The following PKHD1 variants were observed in gnomAD, a reference collection of about 807,000 sequenced individuals.
PKHD1 encodes fibrocystin.
Under a neutral mutation model 412.0 loss-of-function variants are expected in PKHD1, and 291 were observed. The observed-to-expected ratio is 0.71, with a 90% CI of 0.64 to 0.78. PKHD1 has a LOEUF of 0.78. Ranked by LOEUF, PKHD1 falls within the 30% of genes least tolerant of loss-of-function variation. The probability of loss-of-function intolerance (pLI) is 0.00; values close to 1 mark genes in which losing one functional copy is unlikely to be tolerated. For synonymous variants in PKHD1, 1,777 were observed against 1,821.5 expected, an observed-to-expected ratio of 0.98 and a Z score of 0.62; for missense variants, 4,825 against 4,950.7, an observed-to-expected ratio of 0.97 and a Z score of 0.76.
intron 51 of PKHD1, among the ~76,000 whole-genome samples, chr6:51,835,275 G>T (rs535948892): frequency 1.3e-5 from 2 of 152,200 alleles, no homozygotes; most frequent in Admixed American, 1.3e-4. Context: ...CACAGAAGGG[G>T]GCCTGGCATG....
chr6:52,001,241 A>T (rs527779879), intron 35 of PKHD1, among the ~76,000 whole-genome samples: 82 of 152,254 alleles, frequency 5.4e-4, no homozygotes, highest in African/African-American at 1.9e-3. Flanking sequence ...ATAAAATAAA[A>T]ATGCATTATA....
chr6:51,939,880 C>G (rs2127797725), intron 36 of PKHD1, among the ~76,000 whole-genome samples: 1 of 151,600 alleles, frequency 6.6e-6, no homozygotes, highest in South Asian at 2.1e-4. Context: ...GCTCCCCCAC[C>G]CTATAATCCT....
intron 45 of PKHD1, among the ~76,000 whole-genome samples, chr6:51,884,688 A>G (rs1777923072): frequency 6.6e-6 from 1 of 152,168 alleles, no homozygotes; most frequent in Admixed American, 6.6e-5. Flanking sequence ...TGATTGCAGA[A>G]TTTCAAAAAA....
intron 60 of PKHD1, among the ~76,000 whole-genome samples, chr6:51,671,927 T>G (rs1233956958): frequency 6.6e-6 from 1 of 152,200 alleles, no homozygotes; most frequent in African/African-American, 2.4e-5. Context: ...AGCTGCATGC[T>G]GGGAGAACCA....
intron 60 of PKHD1, among the ~76,000 whole-genome samples, chr6:51,694,092 CCAT>C (rs1276071403): frequency 1.3e-5 from 2 of 152,168 alleles, no homozygotes; most frequent in African/African-American, 4.8e-5. Flanking sequence ...ACCACCACCA[CCAT>C]GCCACCTGGC....
chr6:51,748,332 A>G lies in PKHD1; in HGVS notation c.9284T>C (p.Val3095Ala). ...GCCAAGTCTCTCTGATCCTGCCACA[A>G]CGTTGCCATGGAGGTTGATGTCCTT... ...QVKDINLHGN[V>A]VAGSERLGFH... The change falls in exon 58 of 67, where the codon GTT becomes GCT. Residue 3095 changes from valine (V) to alanine (A), a missense_variant. Val to Ala is a moderately conservative substitution (Grantham distance 64, BLOSUM62 0). Coordinates refer to ENST00000371117, the MANE Select transcript of PKHD1 (RefSeq NM_138694.4). 6.2e-7 allele frequency: 1 copy of G among 1,614,016 alleles called. No individual in the cohort carries two copies. Among genetic ancestry groups the G allele is most frequent in the Non-Finnish European group, 8.5e-7 (1 of 1,179,960 alleles).
intron 60 of PKHD1, among the ~76,000 whole-genome samples, chr6:51,710,588 T>G (rs986283000): frequency 6.6e-6 from 1 of 152,174 alleles, no homozygotes; most frequent in Non-Finnish European, 1.5e-5. Flanking sequence ...CTCTAAATAG[T>G]GTTTTGCCAC....
At chr6:51,929,594 A>G (rs1409866006) in intron 37 of PKHD1, among the ~76,000 whole-genome samples, 1 of 152,194 alleles carries the variant, frequency 6.6e-6, no homozygotes, top group African/African-American at 2.4e-5. Context: ...ACTTTATACC[A>G]TGCTTAAAGA....
intron 37 of PKHD1, among the ~76,000 whole-genome samples, chr6:51,929,772 C>T (rs1369270919): frequency 6.6e-6 from 1 of 152,192 alleles, no homozygotes; most frequent in Non-Finnish European, 1.5e-5. Context: ...TTCTTATGTT[C>T]CTTGCAATTG....
In PKHD1 at chr6:51,619,472, T is replaced by C. The variant is rs866344893; in HGVS notation, c.11834A>G (p.Gln3945Arg). Reference protein sequence around the residue: ...MLGKVNQCPHQLMNGVSRRKV... With the variant: ...MLGKVNQCPHRLMNGVSRRKV... The stretch of plus-strand genomic sequence containing the variant: ...CCTTCTGGACACTCCATTCATCAAC[T>C]GGTGGGGGCACTGGTTCACCTTGCC... Residue 3945 changes from glutamine (Q) to arginine (R), a missense_variant, in exon 67 of 67, where the codon CAG becomes CGG. Transcript: ENST00000371117. The C allele has an allele frequency of 5.6e-6, 9 of 1,614,112 alleles. No homozygotes were observed. The Middle Eastern group carries it at 6.6e-4, about 118-fold the overall frequency.
At chr6:52,016,235 T>C (rs1299480575) in intron 34 of PKHD1, among the ~76,000 whole-genome samples, 1 of 152,108 alleles carries the variant, frequency 6.6e-6, no homozygotes, top group Non-Finnish European at 1.5e-5. Flanking sequence ...GGTGCCAAAT[T>C]CACACTAAAA....
At chr6:51,782,815 T>C (rs1051324296) in intron 53 of PKHD1, among the ~76,000 whole-genome samples, 1 of 152,166 alleles carries the variant, frequency 6.6e-6, no homozygotes, top group African/African-American at 2.4e-5. Context: ...CTGGGTATTG[T>C]GGCTTTAAGC....
intron 43 of PKHD1, among the ~76,000 whole-genome samples, chr6:51,892,057 TAGAC>T (rs1232489162): frequency 2.6e-5 from 4 of 152,228 alleles, no homozygotes; most frequent in Non-Finnish European, 5.9e-5. Context: ...TATTTGTAAA[TAGAC>T]AGCCATTTCT....
intron 19 of PKHD1, among the ~76,000 whole-genome samples, chr6:52,054,642 C>T (rs764650156): frequency 2.0e-5 from 3 of 152,172 alleles, no homozygotes; most frequent in Non-Finnish European, 2.9e-5. Flanking sequence ...TTTTCAGCCT[C>T]GGCACTATCA....
At chr6:51,620,249 T>C (rs1766435457) in intron 66 of PKHD1, among the ~76,000 whole-genome samples, 1 of 152,232 alleles carries the variant, frequency 6.6e-6, no homozygotes. Context: ...GATTTCCTCT[T>C]TGACATTTTA....
intron 29 of PKHD1, among the ~76,000 whole-genome samples, chr6:52,032,243 CTT>C (rs1159081383): frequency 2.0e-5 from 3 of 152,140 alleles, no homozygotes; most frequent in Non-Finnish European, 2.9e-5. Context: ...ATATGATGGT[CTT>C]TTTACAATAA....
At position 52,025,149 on chromosome 6, in the gene PKHD1, T is replaced by TA. The variant is rs1801949246; in HGVS notation, c.4660dup (p.Tyr1554LeufsTer11). Reference sequence around the variant, plus strand: ...AGAACAAGCATACCCATTTCTTGTATAAAAAACTGACAGGTAGTGGGGTCC... The same window carrying TA: ...AGAACAAGCATACCCATTTCTTGTATAAAAAAACTGACAGGTAGTGGGGTCC... On this transcript the variant is annotated frameshift_variant, in exon 32 of 67. Coordinates refer to ENST00000371117, the MANE Select transcript of PKHD1 (RefSeq NM_138694.4). LOFTEE classifies it high-confidence loss of function. 1.9e-6 allele frequency: 3 copies of TA among 1,613,960 alleles called. No homozygotes were observed. Among genetic ancestry groups the TA allele is most frequent in the African/African-American group, 2.7e-5 (2 of 74,896 alleles).
intron 43 of PKHD1, among the ~76,000 whole-genome samples, chr6:51,897,456 C>A (rs1266979180): frequency 6.6e-6 from 1 of 151,478 alleles, no homozygotes; most frequent in African/African-American, 2.4e-5. Context: ...TACAGACAAG[C>A]AAATGCTGAG....
At position 52,062,517 on chromosome 6, in the gene PKHD1, A is replaced by G; in HGVS notation, c.1118+2T>C. The G allele has an allele frequency of 6.2e-7, 1 of 1,614,006 alleles. No homozygotes were observed. The highest frequency in any genetic ancestry group is 8.5e-7 in the Non-Finnish European group (1 of 1,179,878). On this transcript the variant is annotated splice_donor_variant, in intron 14 of 66. Transcript: ENST00000371117. LOFTEE classifies it high-confidence loss of function. ...TGGGCTCCCACTTTTCCTACAACAT[A>G]CCTGAAAGGTTGTCCTTCCTGTGAC... is the stretch of plus-strand genomic sequence containing the variant.
Sources: allele counts gnomAD v4.1 joint callset (sites outside exome capture counted in the v4.1 genomes callset), GRCh38; gene constraint gnomAD v4.1.1; transcripts MANE v1.5; gene names NCBI Gene and HGNC (gene_info 2026-07-23, HGNC 2026-07-21).